The following FBXO4 variants were observed in gnomAD, a reference collection of about 807,000 sequenced individuals.
FBXO4 encodes the protein F-box only protein 4.
Under a neutral mutation model 43.7 loss-of-function variants are expected in FBXO4, and 36 were observed. That is an observed-to-expected ratio of 0.82 (90% confidence interval 0.63 to 1.09). The LOEUF (loss-of-function observed/expected upper bound fraction) is 1.09, where lower values mean the gene tolerates loss of function less well. FBXO4 is among the 50% of genes least tolerant of loss of function. The pLI is 0.00. For missense variants in FBXO4, 435 were observed against 474.1 expected (o/e 0.92, Z 0.77); for synonymous variants, 180 against 165.6 (o/e 1.09, Z -0.67).
At position 41,925,354 on chromosome 5, in the gene FBXO4, G is replaced by C; in HGVS notation, c.45G>C (p.Pro15=). The change falls in exon 1 of 7, where the codon CCG becomes CCC. Residue 15 remains proline, a synonymous_variant. Transcript: ENST00000281623. ...GCAGCGGAACAAACTCGCCGCCGCC[G>C]CCCTTCAGCGACTGGGGCCGCCTGG... ...EPRSGTNSPP[P]PFSDWGRLEA... The C allele has an allele frequency of 1.5e-6, 2 of 1,369,132 alleles. No homozygotes were observed. The highest frequency in any genetic ancestry group is 1.9e-6 in the Non-Finnish European group (2 of 1,056,882). The allele number at this position is 1,369,132 out of a possible 1,614,324, so 84.8% of individuals were successfully genotyped here. A position where few individuals can be genotyped will look rare whatever the true frequency, so the allele number is the denominator to read the frequency against.
the FBXO4 span, among the ~76,000 whole-genome samples, chr5:41,977,643 G>A: frequency 7.9e-5 from 12 of 152,016 alleles, no homozygotes; most frequent in African/African-American, 2.7e-4. Flanking sequence ...GGCCTTCACT[G>A]TCCATATTTC....
the FBXO4 span, among the ~76,000 whole-genome samples, chr5:41,978,283 A>G: frequency 1.3e-5 from 2 of 152,202 alleles, no homozygotes. Context: ...TGTGAAAAAA[A>G]CATCTTGCAC....
At chr5:41,990,339 A>G in the FBXO4 span, among the ~76,000 whole-genome samples, 8 of 152,340 alleles carry the variant, frequency 5.3e-5, no homozygotes, top group African/African-American at 1.9e-4. Context: ...TCAGACATTC[A>G]GCCTATATAG....
intron 5 of FBXO4, chr5:41,934,524 C>G (rs1561170622): frequency 7.3e-7 from 1 of 1,372,494 alleles, no homozygotes; most frequent in Admixed American, 2.9e-5. Flanking sequence ...TGATTCCTAC[C>G]CTGGTGGATT....
chr5:41,955,739 G>A, the FBXO4 span, among the ~76,000 whole-genome samples: 45 of 152,264 alleles, frequency 3.0e-4, 1 homozygote, highest in Middle Eastern at 6.8e-3. Flanking sequence ...GCTGACTGCT[G>A]ATCAGTGCAT....
intron 2 of FBXO4, among the ~76,000 whole-genome samples, chr5:41,928,927 A>C (rs1426174851): frequency 2.0e-5 from 3 of 152,208 alleles, no homozygotes; most frequent in Admixed American, 2.0e-4. Context: ...AGAGATTTAT[A>C]GCTATTGCAA....
At chr5:41,968,320 T>G in the FBXO4 span, 1 of 156,172 alleles carries the variant, frequency 6.4e-6, no homozygotes, top group Non-Finnish European at 1.4e-5. Context: ...CTGAGCGGGC[T>G]GGATCAGCCG....
At chr5:41,940,227 A>G (rs9885117) in intron 6 of FBXO4, among the ~76,000 whole-genome samples, 11,801 of 151,714 alleles carry the variant, frequency 0.078, 647 homozygotes, top group African/African-American at 0.15. Flanking sequence ...CATCAAAGTT[A>G]TATGTTCCAT....
At chr5:41,965,728 A>C in the FBXO4 span, among the ~76,000 whole-genome samples, 1 of 152,194 alleles carries the variant, frequency 6.6e-6, no homozygotes, top group Non-Finnish European at 1.5e-5. Context: ...GGGACTGTAA[A>C]CTAGTTCAAC....
the FBXO4 span, among the ~76,000 whole-genome samples, chr5:41,996,920 C>T: frequency 6.6e-6 from 1 of 152,242 alleles, no homozygotes; most frequent in Non-Finnish European, 1.5e-5. Flanking sequence ...CTACTTCTTG[C>T]TCACTGGATC....
At chr5:42,028,202 C>T in the FBXO4 span, among the ~76,000 whole-genome samples, 3 of 151,776 alleles carry the variant, frequency 2.0e-5, no homozygotes, top group Admixed American at 2.0e-4. Context: ...TGTTGGTGCT[C>T]AAGTGTGTGT....
At chr5:41,927,743 A>G (rs527381961) in intron 2 of FBXO4, among the ~76,000 whole-genome samples, 119 of 152,230 alleles carry the variant, frequency 7.8e-4, no homozygotes, top group African/African-American at 2.7e-3. Context: ...TCTACGAGGG[A>G]TGCTTTATGT....
At chr5:42,022,442 T>C in the FBXO4 span, among the ~76,000 whole-genome samples, 1 of 152,154 alleles carries the variant, frequency 6.6e-6, no homozygotes, top group East Asian at 1.9e-4. Context: ...TCTGCTTGTA[T>C]TAAATAGCCA....
chr5:42,029,861 T>C, the FBXO4 span, among the ~76,000 whole-genome samples: 1 of 152,080 alleles, frequency 6.6e-6, no homozygotes, highest in Admixed American at 6.6e-5. Flanking sequence ...GAATTCCTTC[T>C]CTGTGTTATC....
At chr5:41,991,793 T>G in the FBXO4 span, among the ~76,000 whole-genome samples, 1 of 152,216 alleles carries the variant, frequency 6.6e-6, no homozygotes, top group African/African-American at 2.4e-5. Context: ...TTTATATACC[T>G]TCCGGCCGGG....
At chr5:41,934,655 G>T in intron 5 of FBXO4, 1 of 1,095,492 alleles carries the variant, frequency 9.1e-7, no homozygotes, top group Non-Finnish European at 1.1e-6. Context: ...TTTGCTTTAT[G>T]CTTCTGCATT....
chr5:42,019,325 G>A, the FBXO4 span, among the ~76,000 whole-genome samples: 2 of 152,088 alleles, frequency 1.3e-5, no homozygotes, highest in Non-Finnish European at 2.9e-5. Context: ...AAATAATAAT[G>A]AGTTAAATAA....
At chr5:42,007,711 G>GT in the FBXO4 span, among the ~76,000 whole-genome samples, 3 of 152,078 alleles carry the variant, frequency 2.0e-5, no homozygotes, top group East Asian at 1.9e-4. Context: ...GGCATCAATA[G>GT]TTTTTTAAAT....
chr5:41,984,280 G>A, the FBXO4 span, among the ~76,000 whole-genome samples: 1 of 152,064 alleles, frequency 6.6e-6, no homozygotes. Flanking sequence ...AGAGAACTTA[G>A]TCAATCTGAT....
Sources: gnomAD v4.1 joint callset for allele counts (sites outside exome capture counted in the v4.1 genomes callset) on GRCh38, gnomAD v4.1.1 for gene constraint, MANE v1.5 for transcripts, NCBI Gene and HGNC (gene_info 2026-07-23, HGNC 2026-07-21) for gene names.